LOC128462377: variants seen among roughly 807,000 people sequenced by gnomAD.
At chr16:89,357,491 G>C in the LOC128462377 span, among the ~76,000 whole-genome samples, 1 of 152,142 alleles carries the variant, frequency 6.6e-6, no homozygotes, top group Admixed American at 6.5e-5. Context: ...AAAGGACTAA[G>C]CATATGATCC....
At chr16:89,357,116 CA>C in the LOC128462377 span, among the ~76,000 whole-genome samples, 3 of 152,190 alleles carry the variant, frequency 2.0e-5, no homozygotes, top group Non-Finnish European at 2.9e-5. Flanking sequence ...GTAGGAGGGA[CA>C]GTGTAAGGAA....
At chr16:89,324,496 G>C in the LOC128462377 span, 1 of 456,368 alleles carries the variant, frequency 2.2e-6, no homozygotes, top group Non-Finnish European at 4.4e-6. Context: ...AACTGTTCCT[G>C]GGAGCATCTT....
the LOC128462377 span, among the ~76,000 whole-genome samples, chr16:89,392,152 C>A: frequency 6.6e-6 from 1 of 152,242 alleles, no homozygotes; most frequent in African/African-American, 2.4e-5. Flanking sequence ...TATAAAAAAA[C>A]CGGACACAGC....
chr16:89,397,241 C>T, the LOC128462377 span, among the ~76,000 whole-genome samples: 5 of 152,318 alleles, frequency 3.3e-5, no homozygotes, highest in African/African-American at 1.2e-4. Flanking sequence ...GCACGGGAGA[C>T]ACAGCCATCA....
chr16:89,408,567 G>C, the LOC128462377 span, among the ~76,000 whole-genome samples: 1 of 152,162 alleles, frequency 6.6e-6, no homozygotes, highest in South Asian at 2.1e-4. Flanking sequence ...AGGCTGACGA[G>C]CGTGAGCACT....
At chr16:89,340,305 T>C in the LOC128462377 span, among the ~76,000 whole-genome samples, 2 of 152,228 alleles carry the variant, frequency 1.3e-5, no homozygotes, top group Non-Finnish European at 2.9e-5. Context: ...TGAGACGGAG[T>C]CTCGCTCTGT....
the LOC128462377 span, among the ~76,000 whole-genome samples, chr16:89,319,791 C>T: frequency 3.9e-5 from 6 of 152,238 alleles, no homozygotes; most frequent in South Asian, 2.1e-4. Flanking sequence ...GTGCAGCACG[C>T]GGCCCACTCT....
the LOC128462377 span, among the ~76,000 whole-genome samples, chr16:89,321,481 G>C: frequency 6.6e-6 from 1 of 151,014 alleles, no homozygotes; most frequent in Admixed American, 6.6e-5. Flanking sequence ...TGTGGGGCCG[G>C]GTGGGGAGCC....
the LOC128462377 span, among the ~76,000 whole-genome samples, chr16:89,403,015 AAAC>A: frequency 6.6e-6 from 1 of 152,146 alleles, no homozygotes; most frequent in South Asian, 2.1e-4. Context: ...CCCCACCATC[AAAC>A]ACCAGGCTCC....
the LOC128462377 span, among the ~76,000 whole-genome samples, chr16:89,398,936 G>T: frequency 6.6e-6 from 1 of 152,106 alleles, no homozygotes; most frequent in African/African-American, 2.4e-5. Context: ...CTCTGGACAA[G>T]GCCTCAAAGA....
the LOC128462377 span, among the ~76,000 whole-genome samples, chr16:89,391,401 A>C: frequency 3.9e-5 from 6 of 152,126 alleles, no homozygotes; most frequent in African/African-American, 1.4e-4. Context: ...TGCCGTCTCC[A>C]GGTAGACAGT....
At chr16:89,384,879 C>CTTTTTTTTTT in the LOC128462377 span, among the ~76,000 whole-genome samples, 142 of 49,940 alleles carry the variant, frequency 2.8e-3, 20 homozygotes, top group African/African-American at 6.3e-3. Flanking sequence ...AAATAGTTTT[C>CTTTTTTTTTT]TTTTTTTTTT....
chr16:89,398,735 T>C, the LOC128462377 span, among the ~76,000 whole-genome samples: 62 of 151,710 alleles, frequency 4.1e-4, no homozygotes, highest in Admixed American at 7.2e-4. Flanking sequence ...CAGAGAGAGA[T>C]TGTGTGTCCA....
the LOC128462377 span, among the ~76,000 whole-genome samples, chr16:89,389,168 G>A: frequency 0.011 from 1,638 of 152,014 alleles, 9 homozygotes; most frequent in Non-Finnish European, 0.016. Context: ...ACAGATACAC[G>A]CCACTACGTC....
At chr16:89,355,326 A>G in the LOC128462377 span, among the ~76,000 whole-genome samples, 4 of 152,202 alleles carry the variant, frequency 2.6e-5, no homozygotes, top group African/African-American at 4.8e-5. Flanking sequence ...CAGACCCACA[A>G]GGACCAAAGA....
At chr16:89,335,979 ACT>A in the LOC128462377 span, among the ~76,000 whole-genome samples, 4 of 152,122 alleles carry the variant, frequency 2.6e-5, no homozygotes, top group African/African-American at 9.7e-5. Context: ...ATGCCCTGTG[ACT>A]CTCTCAGATG....
chr16:89,403,041 C>A, the LOC128462377 span, among the ~76,000 whole-genome samples: 1 of 152,302 alleles, frequency 6.6e-6, no homozygotes. Flanking sequence ...ATGGGCACTG[C>A]CTCGCTCAAC....
At chr16:89,360,410 A>G in the LOC128462377 span, 1 of 152,166 alleles carries the variant, frequency 6.6e-6, no homozygotes, top group Non-Finnish European at 1.5e-5. Context: ...CATCTTCATC[A>G]CTTGATAAAC....
chr16:89,376,784 C>T, the LOC128462377 span, among the ~76,000 whole-genome samples: 1,720 of 151,876 alleles, frequency 0.011, 45 homozygotes, highest in African/African-American at 0.04. Flanking sequence ...CCTATTCTGG[C>T]GAAAAAAATC....
Sources: allele counts gnomAD v4.1 joint callset (sites outside exome capture counted in the v4.1 genomes callset), GRCh38; gene constraint gnomAD v4.1.1; transcripts MANE v1.5.